Variants in CDH19 observed in about 807,000 individuals in gnomAD.
The protein encoded by CDH19 is cadherin-19.
Under a neutral mutation model 64.2 loss-of-function variants are expected in CDH19, and 67 were observed. That is an observed-to-expected ratio of 1.04 (90% CI 0.86 to 1.28). The LOEUF (loss-of-function observed/expected upper bound fraction) is 1.28, where lower values mean the gene tolerates loss of function less well. CDH19 is among the 50% of genes most tolerant of loss of function. The pLI, the probability that CDH19 is intolerant of heterozygous loss-of-function variation, is 0.00. For missense variants in CDH19, 1,030 were observed against 929.0 expected (o/e 1.11, Z -1.41); for synonymous variants, 346 against 319.3 (o/e 1.08, Z -0.89).
intron 1 of CDH19, among the ~76,000 whole-genome samples, chr18:66,582,632 C>T (rs999065982): frequency 3.4e-5 from 4 of 117,240 alleles, no homozygotes; most frequent in African/African-American, 1.4e-4. Context: ...TGCATACTTA[C>T]TGTCACCAAA....
At position 66,514,058 on chromosome 18, in the gene CDH19, A is replaced by G. The variant is rs1025982529; in HGVS notation, c.1459-2373T>C. 1.5e-4 allele frequency among the ~76,000 whole-genome samples: 22 copies of G among 151,462 alleles called. 1 individual carries two copies. The highest frequency in any genetic ancestry group is 2.8e-4 in the Non-Finnish European group (19 of 67,510). On this transcript the variant is annotated intron_variant, in intron 9 of 11. Coordinates refer to ENST00000262150, the MANE Select transcript of CDH19 (RefSeq NM_021153.4). Reference sequence around the variant, plus strand: ...TACATTATCTTAGATAATCTTCACAATGGTCTCTGGAATAAATCCTATTAT... The same window carrying G: ...TACATTATCTTAGATAATCTTCACAGTGGTCTCTGGAATAAATCCTATTAT...
chr18:66,561,494 T>C (rs907638689), intron 3 of CDH19, among the ~76,000 whole-genome samples: 7 of 152,138 alleles, frequency 4.6e-5, no homozygotes, highest in Admixed American at 6.6e-5. Flanking sequence ...GTAAGCAGAA[T>C]TGGGTAACTA....
At chr18:66,593,531 G>A (rs1346157240) in intron 1 of CDH19, among the ~76,000 whole-genome samples, 1 of 151,850 alleles carries the variant, frequency 6.6e-6, no homozygotes, top group Admixed American at 6.6e-5. Flanking sequence ...AAACTTAGTA[G>A]TCGAAAAAAC....
chr18:66,523,003 T>A (rs1055490516), intron 9 of CDH19, among the ~76,000 whole-genome samples: 8 of 151,898 alleles, frequency 5.3e-5, no homozygotes, highest in East Asian at 1.9e-4. Context: ...TTGAAAAAAA[T>A]AAAAATCACA....
intron 9 of CDH19, among the ~76,000 whole-genome samples, chr18:66,512,172 G>A (rs1330114433): frequency 6.6e-6 from 1 of 151,532 alleles, no homozygotes; most frequent in Non-Finnish European, 1.5e-5. Flanking sequence ...AGGAAATAAT[G>A]CATTTAAAAT....
intron 5 of CDH19, among the ~76,000 whole-genome samples, chr18:66,547,679 T>C (rs1406961516): frequency 5.1e-5 from 7 of 138,172 alleles, no homozygotes; most frequent in African/African-American, 2.1e-4. Context: ...TTTTTTTTTT[T>C]TTTTTTGAGA....
In CDH19 at chr18:66,511,612, A is replaced by G. The variant is rs750915553; in HGVS notation, c.1532T>C (p.Val511Ala). 7.1e-6 allele frequency: 11 copies of G among 1,552,530 alleles called. No individual in the cohort carries two copies. The South Asian group carries it at 1.2e-4, about 17-fold the overall frequency. ...EEHHFYFNLS[V>A]EDTNNSSFTI... ...AAAACTTGAATTGTTAGTGTCTTCTACAGATAGATTAAAGTAAAAATGGTG... is the reference window on the plus strand; with the variant it reads ...AAAACTTGAATTGTTAGTGTCTTCTGCAGATAGATTAAAGTAAAAATGGTG... Residue 511 changes from valine to alanine, a missense_variant, in exon 10 of 12, where the codon GTA becomes GCA. Physicochemically the swap from Val to Ala is moderately conservative, Grantham distance 64. Transcript: ENST00000262150.
rs34518519 is a variant in CDH19 at position 66,601,820 on chromosome 18, T to TAA, written c.-113+2132_-113+2133dup. Among the ~76,000 whole-genome samples the TAA allele has an allele frequency of 6.1e-3, 917 of 150,688 alleles. 2 individuals are homozygous for TAA. Among genetic ancestry groups the TAA allele is most frequent in the Middle Eastern group, 0.01 (3 of 292 alleles). On this transcript the variant is annotated intron_variant, in intron 1 of 11. Coordinates refer to ENST00000262150, the MANE Select transcript of CDH19 (RefSeq NM_021153.4). ...TCAATTGAAAGGTGGTGAGAGTGGGTAAAAAAAAACGCTGTAAGGGTACAG... is the reference window on the plus strand; with the variant it reads ...TCAATTGAAAGGTGGTGAGAGTGGGTAAAAAAAAAAACGCTGTAAGGGTACAG...
chr18:66,568,561 T>C lies in CDH19; in HGVS notation c.345A>G (p.Leu115=). The C allele has an allele frequency of 6.2e-7, 1 of 1,612,334 alleles. No individual in the cohort carries two copies. The highest frequency in any genetic ancestry group is 8.5e-7 in the Non-Finnish European group (1 of 1,178,938). ...TAGCGATGTCTATTACCTGGGCTCTTAAGATGTAGAGGGATCGCTCCTCTC... is the reference window on the plus strand; with the variant it reads ...TAGCGATGTCTATTACCTGGGCTCTCAAGATGTAGAGGGATCGCTCCTCTC... ...LDREERSLYI[L]RAQVIDIATG... Residue 115 remains leucine, a synonymous_variant, in exon 3 of 12, where the codon TTA becomes TTG. Transcript: ENST00000262150.
chr18:66,591,172 G>A (rs1000049159), intron 1 of CDH19, among the ~76,000 whole-genome samples: 6 of 151,654 alleles, frequency 4.0e-5, no homozygotes, highest in African/African-American at 1.5e-4. Context: ...TAGATCTTCT[G>A]GATAAATCCC....
At chr18:66,584,751 T>C (rs1988526204) in intron 1 of CDH19, among the ~76,000 whole-genome samples, 1 of 151,444 alleles carries the variant, frequency 6.6e-6, no homozygotes. Context: ...GAACACAGGC[T>C]ATTTCTTATT....
chr18:66,545,055 T>G (rs1300124919), intron 5 of CDH19, 152 bp from the exon 6 acceptor site: 1 of 538,640 alleles, frequency 1.9e-6, no homozygotes, highest in Non-Finnish European at 3.1e-6. Flanking sequence ...CTCGGTTCAC[T>G]GCAATCTCTG....
Position 66,572,325 on chromosome 18 carries a change from T to C in CDH19, c.-112-9A>G. ...GTGTACCTTCTATATACCTAAAGCG[T>C]CAGAAACAAAACAAAATTTGACATT... is the stretch of plus-strand genomic sequence containing the variant. On this transcript the variant is annotated splice_polypyrimidine_tract_variant and intron_variant, in intron 1 of 11. Transcript: ENST00000262150. 3.3e-6 allele frequency: 2 copies of C among 609,224 alleles called. No individual in the cohort carries two copies. Among genetic ancestry groups the C allele is most frequent in the African/African-American group, 3.7e-5 (2 of 54,178 alleles). The allele number at this position is 609,224 out of a possible 1,614,324, so 37.7% of individuals were successfully genotyped here.
chr18:66,530,831 T>A (rs1037072873), intron 8 of CDH19, among the ~76,000 whole-genome samples: 11 of 152,162 alleles, frequency 7.2e-5, no homozygotes, highest in African/African-American at 2.7e-4. Context: ...TGACTTCTAT[T>A]CCCCGAATGT....
rs1389715155 is a variant in CDH19, at chr18:66,511,699, G to A, written c.1459-14C>T. 2.4e-6 allele frequency: 3 copies of A among 1,249,480 alleles called. No individual in the cohort carries two copies. Among genetic ancestry groups the A allele is most frequent in the African/African-American group, 3.0e-5 (2 of 66,790 alleles). The allele number at this position is 1,249,480 out of a possible 1,614,324, so 77.4% of individuals were successfully genotyped here. Reference sequence around the variant, plus strand: ...AGTCTGAATTACCTAAAAAAAAAGGGGGATAGATTTTTGTTGTTGTTTGGA... The same window carrying A: ...AGTCTGAATTACCTAAAAAAAAAGGAGGATAGATTTTTGTTGTTGTTTGGA... On this transcript the variant is annotated splice_polypyrimidine_tract_variant and intron_variant, in intron 9 of 11. Transcript: ENST00000262150.
intron 1 of CDH19, among the ~76,000 whole-genome samples, chr18:66,590,994 G>A (rs547810019): frequency 7.2e-5 from 11 of 151,816 alleles, no homozygotes; most frequent in African/African-American, 2.2e-4. Context: ...TACTTTTTAA[G>A]TTCTCATTTT....
rs572317532 is a variant in CDH19, at chr18:66,541,468, C to T, written c.1214+2503G>A. 3.9e-5 allele frequency among the ~76,000 whole-genome samples: 6 copies of T among 151,948 alleles called. No homozygotes were observed. The East Asian group carries it at 5.8e-4, about 15-fold the overall frequency. ...GTTCAAATATTTTGGGGATCTTTTGCTTACAAAGAAAAAAGAGATAAATAA... is the reference window on the plus strand; with the variant it reads ...GTTCAAATATTTTGGGGATCTTTTGTTTACAAAGAAAAAAGAGATAAATAA... On this transcript the variant is annotated intron_variant, in intron 7 of 11. Transcript: ENST00000262150.
At chr18:66,539,974 A>G (rs1321131497) in intron 7 of CDH19, among the ~76,000 whole-genome samples, 1 of 152,160 alleles carries the variant, frequency 6.6e-6, no homozygotes. Context: ...CTAAATGTAT[A>G]GGCATAGCAT....
At chr18:66,598,775 G>A (rs866259584) in intron 1 of CDH19, among the ~76,000 whole-genome samples, 18 of 151,884 alleles carry the variant, frequency 1.2e-4, no homozygotes, top group Non-Finnish European at 1.9e-4. Flanking sequence ...ACACTAAACC[G>A]CAGCAACATG....
Sources: allele counts gnomAD v4.1 joint callset (sites outside exome capture counted in the v4.1 genomes callset), GRCh38; gene constraint gnomAD v4.1.1; transcripts MANE v1.5; gene names NCBI Gene and HGNC (gene_info 2026-07-23, HGNC 2026-07-21).